PACRG: variants seen among roughly 807,000 people sequenced by gnomAD.
PACRG encodes parkin coregulated, also known as parkin coregulated gene protein.
PACRG carries 29 observed loss-of-function variants against 29.7 expected under a neutral mutation model. The observed-to-expected ratio is 0.98, with a 90% CI of 0.73 to 1.33. PACRG has a LOEUF of 1.33. PACRG is among the 40% of genes most tolerant of loss of function. PACRG has a pLI of 0.00. For synonymous variants in PACRG, 116 were observed against 118.7 expected, an observed-to-expected ratio of 0.98 and a Z score of 0.15; for missense variants, 279 against 316.2, an observed-to-expected ratio of 0.88 and a Z score of 0.89.
In PACRG at chr6:162,978,904, T is replaced by C. The variant is rs200209149; in HGVS notation, c.292-83246T>C. Among the ~76,000 whole-genome samples the C allele has an allele frequency of 3.3e-5, 5 of 152,290 alleles. No individual in the cohort carries two copies. In the East Asian group the frequency reaches 9.6e-4, roughly 29 times the overall value. The stretch of plus-strand genomic sequence containing the variant: ...AAGGGTGACTCATCCTTAGAAGAAT[T>C]GGATGAAACACTTTTCCCGGATAAA... On this transcript the variant is annotated intron_variant, in intron 2 of 4. Coordinates refer to ENST00000366888, the MANE Select transcript of PACRG (RefSeq NM_001080379.2).
chr6:162,791,718 A>G (rs1784966699), intron 1 of PACRG, among the ~76,000 whole-genome samples: 1 of 152,172 alleles, frequency 6.6e-6, no homozygotes, highest in African/African-American at 2.4e-5. Context: ...CATCCCATCA[A>G]TTTGAATTTC....
chr6:163,234,363 A>T (rs1042487934), intron 4 of PACRG, among the ~76,000 whole-genome samples: 1 of 152,038 alleles, frequency 6.6e-6, no homozygotes, highest in Non-Finnish European at 1.5e-5. Context: ...CTGGTTGTTG[A>T]AAAGAACCTG....
chr6:162,861,056 G>C (rs1791817174), intron 2 of PACRG, among the ~76,000 whole-genome samples: 1 of 152,166 alleles, frequency 6.6e-6, no homozygotes. Context: ...CAATGGACAA[G>C]GAGGCAAACT....
chr6:163,259,885 G>T (rs770223815), intron 4 of PACRG, among the ~76,000 whole-genome samples: 1 of 152,162 alleles, frequency 6.6e-6, no homozygotes, highest in Non-Finnish European at 1.5e-5. Context: ...TGAGGGGCGG[G>T]CAGTGGAGCT....
At chr6:162,793,736 T>C (rs957422797) in intron 1 of PACRG, among the ~76,000 whole-genome samples, 4 of 152,206 alleles carry the variant, frequency 2.6e-5, no homozygotes, top group Non-Finnish European at 5.9e-5. Flanking sequence ...CTTTAGCAAA[T>C]CTTACAGGTC....
intron 1 of PACRG, among the ~76,000 whole-genome samples, chr6:162,735,030 T>G (rs73601915): frequency 0.058 from 8,900 of 152,270 alleles, 841 homozygotes; most frequent in African/African-American, 0.2. Context: ...CAACATTCTG[T>G]TTGTGAGATT....
chr6:162,783,325 G>A (rs955582744), intron 1 of PACRG, among the ~76,000 whole-genome samples: 2 of 151,916 alleles, frequency 1.3e-5, no homozygotes, highest in Non-Finnish European at 1.5e-5. Context: ...ACATTCAAGT[G>A]TTAGTTAACC....
chr6:162,807,458 C>T (rs539260816), intron 1 of PACRG, among the ~76,000 whole-genome samples: 1 of 151,998 alleles, frequency 6.6e-6, no homozygotes, highest in South Asian at 2.1e-4. Flanking sequence ...CACTTAGGAG[C>T]CATGTAGAGT....
chr6:162,782,802 T>C (rs1471151372), intron 1 of PACRG, among the ~76,000 whole-genome samples: 1 of 151,876 alleles, frequency 6.6e-6, no homozygotes, highest in Non-Finnish European at 1.5e-5. Flanking sequence ...AGTCAAAAGC[T>C]TTTATGGAAG....
chr6:162,892,694 CA>C lies in PACRG; in HGVS notation c.291+78414del, dbSNP rs1794855178. Among the ~76,000 whole-genome samples, 2 of 152,338 alleles carry C rather than the reference CA, an allele frequency of 1.3e-5. 1 individual carries two copies. Among genetic ancestry groups the C allele is most frequent in the South Asian group, 4.1e-4 (2 of 4,830 alleles). ...CCTGACCCCCCTACAGTGGTTCACA[CA>C]GGCCAAAATGGTGGCCGTGACAGGC... On this transcript the variant is annotated intron_variant, in intron 2 of 4. Coordinates refer to ENST00000366888, the MANE Select transcript of PACRG (RefSeq NM_001080379.2).
chr6:162,758,175 C>G (rs1782075003), intron 1 of PACRG, among the ~76,000 whole-genome samples: 1 of 152,072 alleles, frequency 6.6e-6, no homozygotes, highest in African/African-American at 2.4e-5. Flanking sequence ...TATTAGCTTT[C>G]TTATCTGACA....
intron 3 of PACRG, among the ~76,000 whole-genome samples, chr6:163,076,054 T>G (rs914119538): frequency 4.6e-5 from 7 of 152,186 alleles, no homozygotes; most frequent in Non-Finnish European, 1.5e-5. Flanking sequence ...CCATCCAACC[T>G]TAACAGGGCC....
chr6:162,772,563 G>C (rs1230000889), intron 1 of PACRG, among the ~76,000 whole-genome samples: 1 of 152,156 alleles, frequency 6.6e-6, no homozygotes, highest in East Asian at 1.9e-4. Context: ...AGGAGGGAGA[G>C]TCCTAAGAGA....
intron 2 of PACRG, among the ~76,000 whole-genome samples, chr6:162,905,184 G>C (rs1325681351): frequency 6.6e-6 from 1 of 152,164 alleles, no homozygotes; most frequent in East Asian, 1.9e-4. Context: ...GTCTGCAAGA[G>C]GTAAGATAGT....
At chr6:163,295,765 A>G (rs1784759918) in intron 4 of PACRG, among the ~76,000 whole-genome samples, 1 of 152,230 alleles carries the variant, frequency 6.6e-6, no homozygotes, top group Non-Finnish European at 1.5e-5. Flanking sequence ...TAACCTTCAC[A>G]GCCACACGCT....
At position 162,848,779 on chromosome 6, in the gene PACRG, C is replaced by T. The variant is rs113324336; in HGVS notation, c.291+34498C>T. On this transcript the variant is annotated intron_variant, in intron 2 of 4. Transcript: ENST00000366888. ...TCACTTACTGAGTGATCTGAATATA[C>T]ACTATATGCCAGGCACTGGCCTAGA... Among the ~76,000 whole-genome samples, 138 of 152,334 alleles carry T rather than the reference C, an allele frequency of 9.1e-4. No individual in the cohort carries two copies. In the Middle Eastern group the frequency reaches 0.031, roughly 34 times the overall value.
At chr6:163,222,023 T>A (rs1781600892) in intron 4 of PACRG, among the ~76,000 whole-genome samples, 1 of 152,320 alleles carries the variant, frequency 6.6e-6, no homozygotes, top group East Asian at 1.9e-4. Flanking sequence ...CAGGAGACAC[T>A]GAATTCAGCA....
chr6:163,225,935 T>C (rs1273325848), intron 4 of PACRG, among the ~76,000 whole-genome samples: 1 of 152,108 alleles, frequency 6.6e-6, no homozygotes. Context: ...TCCTAGCACT[T>C]TGAGAGGCTG....
intron 4 of PACRG, among the ~76,000 whole-genome samples, chr6:163,177,710 ATTTTTTTTTTTTT>A (rs398003265): frequency 5.6e-5 from 3 of 53,744 alleles, no homozygotes; most frequent in African/African-American, 7.3e-5. Flanking sequence ...TAGAAAAGGG[ATTTTTTTTTTTTT>A]TTTTTTTTTT....
Sources: allele counts gnomAD v4.1 joint callset (sites outside exome capture counted in the v4.1 genomes callset), GRCh38; gene constraint gnomAD v4.1.1; transcripts MANE v1.5; gene names NCBI Gene and HGNC (gene_info 2026-07-23, HGNC 2026-07-21).